Variants in GMDS observed in about 807,000 individuals in gnomAD.
The protein encoded by GMDS is GDP-mannose 4,6 dehydratase.
In GMDS, 20 loss-of-function variants were observed where a neutral mutation model predicts 49.9. That is an observed-to-expected ratio of 0.40 (90% CI 0.28 to 0.58). GMDS has a LOEUF of 0.58. GMDS is among the 20% of genes least tolerant of loss of function. The pLI, the probability that GMDS is intolerant of heterozygous loss-of-function variation, is 0.42. For synonymous variants in GMDS, 177 were observed against 178.6 expected, an observed-to-expected ratio of 0.99 and a Z score of 0.07; for missense variants, 362 against 481.4, an observed-to-expected ratio of 0.75 and a Z score of 2.32.
At chr6:1,908,519 G>A (rs746334426) in intron 7 of GMDS, among the ~76,000 whole-genome samples, 1 of 152,048 alleles carries the variant, frequency 6.6e-6, no homozygotes, top group African/African-American at 2.4e-5. Context: ...CTTTAAATTT[G>A]GGCTATGCTA....
chr6:1,804,298 C>T (rs929321950), intron 7 of GMDS, among the ~76,000 whole-genome samples: 3 of 152,200 alleles, frequency 2.0e-5, no homozygotes, highest in Admixed American at 6.5e-5. Context: ...CTTGTGCACA[C>T]CAGCTTGGTT....
At chr6:1,660,975 A>G (rs1478253763) in intron 9 of GMDS, among the ~76,000 whole-genome samples, 3 of 151,740 alleles carry the variant, frequency 2.0e-5, no homozygotes, top group Non-Finnish European at 4.4e-5. Context: ...GCCCAAGCAG[A>G]TCACAAGTCC....
intron 9 of GMDS, among the ~76,000 whole-genome samples, chr6:1,703,148 CAG>C (rs1275693903): frequency 6.6e-6 from 1 of 152,142 alleles, no homozygotes; most frequent in African/African-American, 2.4e-5. Context: ...CTGTGTGAAA[CAG>C]AGGAGTTCCT....
At chr6:1,972,653 C>A (rs1764686836) in intron 4 of GMDS, among the ~76,000 whole-genome samples, 1 of 152,148 alleles carries the variant, frequency 6.6e-6, no homozygotes, top group Admixed American at 6.6e-5. Flanking sequence ...TTAGAGTTCC[C>A]TTCTATTTTG....
At chr6:1,755,034 G>A (rs1164518854) in intron 7 of GMDS, among the ~76,000 whole-genome samples, 1 of 152,180 alleles carries the variant, frequency 6.6e-6, no homozygotes, top group Non-Finnish European at 1.5e-5. Flanking sequence ...TCTGGCCAGG[G>A]CAATCAGGCA....
Position 1,915,707 on chromosome 6 carries a change from C to A in GMDS, c.771+14396G>T, listed in dbSNP as rs114965494. On this transcript the variant is annotated intron_variant, in intron 7 of 10. Transcript: ENST00000380815. The stretch of plus-strand genomic sequence containing the variant: ...CCGAATGAACGCGCCTGATCTGGGC[C>A]AGACTCAGCAAGCCTCTCTCTCTAT... Among the ~76,000 whole-genome samples, 1,099 of 152,294 alleles carry A rather than the reference C, an allele frequency of 7.2e-3. 19 individuals carry two copies. Among genetic ancestry groups the A allele is most frequent in the African/African-American group, 0.024 (1,010 of 41,550 alleles).
In GMDS at chr6:2,178,346, T is replaced by G. The variant is rs234922; in HGVS notation, c.103-53615A>C. 7.1e-3 allele frequency among the ~76,000 whole-genome samples: 1,074 copies of G among 152,034 alleles called. 14 individuals are homozygous for G. The highest frequency in any genetic ancestry group is 0.025 in the African/African-American group (1,038 of 41,456). On this transcript the variant is annotated intron_variant, in intron 1 of 10. Transcript: ENST00000380815. ...GGCCTCAGGAAGCTTACAATCATGG[T>G]GGAAGGAGGTGAAGGGGAAGGAGGC...
intron 9 of GMDS, among the ~76,000 whole-genome samples, chr6:1,716,187 A>G (rs1766170597): frequency 6.6e-6 from 1 of 152,252 alleles, no homozygotes; most frequent in South Asian, 2.1e-4. Flanking sequence ...GTTTTCTCTG[A>G]GTTACTGTTA....
chr6:1,914,131 GTTTTTTTTTTTT>G (rs563808537), intron 7 of GMDS, among the ~76,000 whole-genome samples: 2 of 77,858 alleles, frequency 2.6e-5, no homozygotes, highest in African/African-American at 9.2e-5. Flanking sequence ...TTTTTTGTTT[GTTTTTTTTTTTT>G]TTTTTTTTTT....
chr6:2,087,963 A>T (rs887683361), intron 4 of GMDS, among the ~76,000 whole-genome samples: 5 of 152,200 alleles, frequency 3.3e-5, no homozygotes, highest in African/African-American at 1.2e-4. Context: ...TGTTTTTCCT[A>T]ACCTAAAAGG....
At chr6:1,872,651 A>G (rs1758831831) in intron 7 of GMDS, among the ~76,000 whole-genome samples, 1 of 152,268 alleles carries the variant, frequency 6.6e-6, no homozygotes, top group Admixed American at 6.5e-5. Flanking sequence ...TATTTAACTC[A>G]GTTGATCCTA....
intron 6 of GMDS, among the ~76,000 whole-genome samples, chr6:1,939,851 T>C (rs1303582268): frequency 6.6e-6 from 1 of 152,216 alleles, no homozygotes; most frequent in East Asian, 1.9e-4. Context: ...ATTACTTCAA[T>C]AGAGATTTAT....
At chr6:1,630,909 G>A (rs76369388) in intron 9 of GMDS, among the ~76,000 whole-genome samples, 3,024 of 152,108 alleles carry the variant, frequency 0.02, 95 homozygotes, top group African/African-American at 0.068. Flanking sequence ...GTTGTGATGC[G>A]GGGGCCATTT....
chr6:1,939,789 A>G (rs775455402), intron 6 of GMDS, among the ~76,000 whole-genome samples: 4 of 152,220 alleles, frequency 2.6e-5, no homozygotes, highest in Non-Finnish European at 5.9e-5. Flanking sequence ...AATAATAGCC[A>G]ATTTATTAAA....
At chr6:2,148,881 T>C (rs1776705978) in intron 1 of GMDS, among the ~76,000 whole-genome samples, 1 of 152,166 alleles carries the variant, frequency 6.6e-6, no homozygotes, top group South Asian at 2.1e-4. Flanking sequence ...AGCAATACGG[T>C]AGAACACGTG....
In GMDS at chr6:1,920,740, A is replaced by ACGTC. The variant is rs1482923061; in HGVS notation, c.771+9359_771+9362dup. Among the ~76,000 whole-genome samples the ACGTC allele has an allele frequency of 2.0e-5, 3 of 152,306 alleles. No homozygotes were observed. The East Asian group carries it at 5.8e-4, about 29-fold the overall frequency. On this transcript the variant is annotated intron_variant, in intron 7 of 10. Transcript: ENST00000380815. ...CACAGAAGTCACAAAAAAGTGGGAG[A>ACGTC]CGTCAGTGAAAGAAGAGACAGGTGG...
chr6:2,184,121 G>A (rs949548719), intron 1 of GMDS, among the ~76,000 whole-genome samples: 12 of 152,054 alleles, frequency 7.9e-5, no homozygotes, highest in Non-Finnish European at 1.6e-4. Flanking sequence ...ATATCTCAGA[G>A]GTATGCCTGT....
chr6:1,956,607 T>C (rs1259971031), intron 6 of GMDS, among the ~76,000 whole-genome samples: 2 of 152,028 alleles, frequency 1.3e-5, no homozygotes, highest in East Asian at 1.9e-4. Flanking sequence ...CCAAGGTTTT[T>C]CTACACCATG....
At chr6:1,989,547 A>G (rs1474306180) in intron 4 of GMDS, among the ~76,000 whole-genome samples, 1 of 152,216 alleles carries the variant, frequency 6.6e-6, no homozygotes, top group Non-Finnish European at 1.5e-5. Flanking sequence ...CACTCTGCAG[A>G]TTTGTAAGGA....
Sources: allele counts gnomAD v4.1 joint callset (sites outside exome capture counted in the v4.1 genomes callset), GRCh38; gene constraint gnomAD v4.1.1; transcripts MANE v1.5; gene names NCBI Gene and HGNC (gene_info 2026-07-23, HGNC 2026-07-21).